The following TNC variants were observed in gnomAD, a reference collection of about 807,000 sequenced individuals.
TNC encodes tenascin C.
TNC carries 109 observed loss-of-function variants against 202.4 expected under a neutral mutation model. The observed-to-expected ratio is 0.54, with a 90% CI of 0.46 to 0.63. The LOEUF (loss-of-function observed/expected upper bound fraction) is 0.63. Ranked by LOEUF, TNC falls within the 30% of genes least tolerant of loss-of-function variation. The pLI, the probability that TNC is intolerant of heterozygous loss-of-function variation, is 0.00. For synonymous variants in TNC, 1,007 were observed against 1,089.7 expected, an observed-to-expected ratio of 0.92 and a Z score of 1.50; for missense variants, 2,756 against 2,833.3, an observed-to-expected ratio of 0.97 and a Z score of 0.62.
intron 1 of TNC, among the ~76,000 whole-genome samples, chr9:115,096,529 C>A (rs568974810): frequency 3.3e-5 from 5 of 152,280 alleles, no homozygotes; most frequent in Admixed American, 2.0e-4. Flanking sequence ...GAAACTGAGA[C>A]TCAAAGCGAT....
Position 115,057,370 on chromosome 9 carries a change from G to T in TNC, c.4362C>A (p.Phe1454Leu), listed in dbSNP as rs1423837295. ...LNVSDITPES[F>L]NLSWMATDGI... ...CATCGGTAGCCATCCAGGAGAGATT[G>T]AAGCTCTCGGGAGTTATGTCAGAAA... The change falls in exon 15 of 28, where the codon TTC becomes TTA. Residue 1454 changes from phenylalanine to leucine, a missense_variant. Physicochemically the swap from Phe to Leu is conservative, Grantham distance 22. Around this residue, in one of 2 missense-constraint regions of TNC, gnomAD observed 2,559 missense variants for 2,546.0 expected, o/e 1.01. Transcript: ENST00000350763. 6.2e-7 allele frequency: 1 copy of T among 1,613,790 alleles called. No homozygotes were observed. Among genetic ancestry groups the T allele is most frequent in the African/African-American group, 1.3e-5 (1 of 74,918 alleles).
intron 1 of TNC, among the ~76,000 whole-genome samples, chr9:115,095,514 GTA>G (rs367984758): frequency 7.2e-4 from 5 of 6,972 alleles, no homozygotes; most frequent in Admixed American, 3.3e-3. Flanking sequence ...ATATATATAT[GTA>G]TATATATGTA....
intron 5 of TNC, 65 bp from the exon 6 acceptor site, chr9:115,081,993 A>T: frequency 6.9e-7 from 1 of 1,442,710 alleles, no homozygotes; most frequent in Non-Finnish European, 9.4e-7. Context: ...TATGTGATTC[A>T]TTCACTCTGC....
rs772908312 is a variant in TNC at position 115,078,049 on chromosome 9, G to A, written c.2568C>T (p.Asn856=). 2 of 1,614,212 alleles carry A rather than the reference G, an allele frequency of 1.2e-6. No homozygotes were observed. Among genetic ancestry groups the A allele is most frequent in the African/African-American group, 2.7e-5 (2 of 75,060 alleles). Residue 856 remains asparagine (N), a synonymous_variant, in exon 7 of 28, where the codon AAC becomes AAT. Coordinates refer to ENST00000350763, the MANE Select transcript of TNC (RefSeq NM_002160.4). Reference sequence around the variant, plus strand: ...GCTTCAGGTTCCCGATGGAGTACTGGTTCTCGTCCTCTGTGAGATCGATGG... The same window carrying A: ...GCTTCAGGTTCCCGATGGAGTACTGATTCTCGTCCTCTGTGAGATCGATGG... ...RTTIDLTEDE[N]QYSIGNLKPD...
intron 1 of TNC, among the ~76,000 whole-genome samples, chr9:115,109,818 T>C (rs1034312136): frequency 2.6e-5 from 4 of 152,242 alleles, no homozygotes; most frequent in Admixed American, 2.6e-4. Context: ...ACTGCATACT[T>C]GCAAGCCAGT....
intron 10 of TNC, among the ~76,000 whole-genome samples, chr9:115,066,487 C>A (rs1258186528): frequency 1.3e-5 from 2 of 152,178 alleles, no homozygotes; most frequent in Admixed American, 1.3e-4. Context: ...TGAGGATATC[C>A]TTTCAGAGGA....
chr9:115,027,561 G>A (rs1358610158), intron 25 of TNC, among the ~76,000 whole-genome samples: 1 of 152,142 alleles, frequency 6.6e-6, no homozygotes, highest in Non-Finnish European at 1.5e-5. Context: ...CTGCATTCCA[G>A]CCTCGGCGAC....
At chr9:115,099,742 T>C (rs1306674276) in intron 1 of TNC, among the ~76,000 whole-genome samples, 2 of 152,236 alleles carry the variant, frequency 1.3e-5, no homozygotes, top group African/African-American at 2.4e-5. Context: ...GTATTGGTAT[T>C]ATATGATTAT....
chr9:115,041,719 A>G (rs1830771278), intron 18 of TNC, among the ~76,000 whole-genome samples: 1 of 152,126 alleles, frequency 6.6e-6, no homozygotes, highest in East Asian at 1.9e-4. Context: ...TACCTGCCAG[A>G]GTGTCTTTAG....
chr9:115,077,960 T>C lies in TNC; in HGVS notation c.2657A>G (p.Lys886Arg). Residue 886 changes from lysine to arginine, a missense_variant, in exon 7 of 28, where the codon AAA becomes AGA. By Grantham distance (26) the Lys-to-Arg change is conservative. Coordinates refer to ENST00000350763, the MANE Select transcript of TNC (RefSeq NM_002160.4). ...CCTTTTACCTGTTGTGAAGGTCTCT[T>C]TGGCTGGGTTGCTTGACATGTCACC... is the stretch of plus-strand genomic sequence containing the variant. ...RRGDMSSNPAKETFTTGLDAP... is the reference protein window; with the variant it reads ...RRGDMSSNPARETFTTGLDAP... 6.2e-7 allele frequency: 1 copy of C among 1,614,206 alleles called. No homozygotes were observed. Among genetic ancestry groups the C allele is most frequent in the South Asian group, 1.1e-5 (1 of 91,086 alleles).
intron 10 of TNC, among the ~76,000 whole-genome samples, chr9:115,069,597 T>C (rs1453385037): frequency 1.4e-5 from 1 of 69,998 alleles, no homozygotes; most frequent in African/African-American, 6.9e-5. Flanking sequence ...TTTCCTTCCC[T>C]TCCTCCCTCC....
Position 115,117,999 on chromosome 9 carries a change from GACCTAGGTCCTTGGAAGAAGT to G in TNC, c.-175_-155del, listed in dbSNP as rs1212155454. 1 of 152,208 alleles carries G rather than the reference GACCTAGGTCCTTGGAAGAAGT, an allele frequency of 6.6e-6. No individual in the cohort carries two copies. Among genetic ancestry groups the G allele is most frequent in the Non-Finnish European group, 1.5e-5 (1 of 68,062 alleles). 9.4% of individuals were successfully genotyped at this position (152,208 alleles called of 1,614,324 possible). On this transcript the variant is annotated 5_prime_UTR_variant, in exon 1 of 28. Coordinates refer to ENST00000350763, the MANE Select transcript of TNC (RefSeq NM_002160.4). The stretch of plus-strand genomic sequence containing the variant: ...AGACTTACCTTTCCGATGGGCGAGA[GACCTAGGTCCTTGGAAGAAGT>G]ACCTGGAGTGTGGAGCTGCGGCGGT...
At chr9:115,056,351 A>C (rs951551078) in intron 15 of TNC, among the ~76,000 whole-genome samples, 2 of 152,176 alleles carry the variant, frequency 1.3e-5, no homozygotes, top group Non-Finnish European at 2.9e-5. Flanking sequence ...TGAATGTAGC[A>C]TTAGAAAGGG....
intron 15 of TNC, among the ~76,000 whole-genome samples, chr9:115,048,895 G>A (rs186626912): frequency 6.6e-6 from 1 of 150,910 alleles, no homozygotes; most frequent in Admixed American, 6.6e-5. Context: ...ATTTTGTTGA[G>A]TTTGGATCCC....
chr9:115,080,883 G>A (rs1433091041), intron 6 of TNC, among the ~76,000 whole-genome samples: 1 of 144,318 alleles, frequency 6.9e-6, no homozygotes, highest in Non-Finnish European at 1.5e-5. Context: ...CTGCACTCCA[G>A]CCTGGGTGAC....
chr9:115,066,644 G>A (rs1377948538), intron 10 of TNC, among the ~76,000 whole-genome samples: 1 of 152,164 alleles, frequency 6.6e-6, no homozygotes, highest in Non-Finnish European at 1.5e-5. Context: ...GTTACCCGAG[G>A]CCCACATCTG....
At chr9:115,028,466 A>C (rs1004658060) in intron 25 of TNC, among the ~76,000 whole-genome samples, 4 of 152,168 alleles carry the variant, frequency 2.6e-5, no homozygotes, top group Admixed American at 6.6e-5. Flanking sequence ...ACAGGAGGGA[A>C]GATATCAATG....
chr9:115,021,019 C>T lies in TNC; in HGVS notation c.*138G>A. Reference sequence around the variant, plus strand: ...AGGCCCATGCTGTTGCCGTTGGCCCCAGGGATCCATGGTCAGCTTTGACTC... The same window carrying T: ...AGGCCCATGCTGTTGCCGTTGGCCCTAGGGATCCATGGTCAGCTTTGACTC... On this transcript the variant is annotated 3_prime_UTR_variant, in exon 28 of 28. Transcript: ENST00000350763. The T allele has an allele frequency of 1.5e-6, 1 of 650,758 alleles. No individual in the cohort carries two copies. Among genetic ancestry groups the T allele is most frequent in the Non-Finnish European group, 2.6e-6 (1 of 380,716 alleles). The allele number at this position is 650,758 out of a possible 1,614,324, so 40.3% of individuals were successfully genotyped here.
intron 6 of TNC, among the ~76,000 whole-genome samples, chr9:115,080,992 A>G (rs1311709919): frequency 6.6e-6 from 1 of 152,172 alleles, no homozygotes; most frequent in East Asian, 1.9e-4. Context: ...TTCTACTCCC[A>G]AGAACTTCTG....
Sources: gnomAD v4.1 joint callset for allele counts (sites outside exome capture counted in the v4.1 genomes callset) on GRCh38, gnomAD v4.1.1 for gene constraint, gnomAD v4.1.1 regional missense constraint, MANE v1.5 for transcripts, NCBI Gene and HGNC (gene_info 2026-07-23, HGNC 2026-07-21) for gene names.